COL15A1: variants seen among roughly 807,000 people sequenced by gnomAD.
COL15A1 encodes the protein collagen alpha-1(XV) chain.
COL15A1 carries 111 observed loss-of-function variants against 165.9 expected under a neutral mutation model. The observed-to-expected ratio is 0.67, with a 90% CI of 0.57 to 0.78. The LOEUF is 0.78. Among genes scored for constraint, COL15A1 ranks in the 30% least tolerant of loss-of-function variants. The pLI, the probability that COL15A1 is intolerant of heterozygous loss-of-function variation, is 0.00. For synonymous variants in COL15A1, 659 were observed against 674.8 expected, an observed-to-expected ratio of 0.98 and a Z score of 0.36; for missense variants, 1,745 against 1,789.7, an observed-to-expected ratio of 0.98 and a Z score of 0.45.
chr9:99,017,067 G>A (rs764271512), intron 11 of COL15A1, among the ~76,000 whole-genome samples: 1 of 152,210 alleles, frequency 6.6e-6, no homozygotes, highest in Admixed American at 6.5e-5. Context: ...GACACATAGC[G>A]GCTCTGGGCC....
At chr9:98,992,827 G>T (rs1838467517) in intron 5 of COL15A1, among the ~76,000 whole-genome samples, 1 of 152,178 alleles carries the variant, frequency 6.6e-6, no homozygotes. Context: ...CCCAGGCTTG[G>T]ACCCTCCCCA....
At chr9:98,948,596 CAAA>C (rs67986686) in intron 2 of COL15A1, among the ~76,000 whole-genome samples, 6 of 100,524 alleles carry the variant, frequency 6.0e-5, no homozygotes, top group Non-Finnish European at 4.0e-5. Flanking sequence ...GACTCTGTCT[CAAA>C]AAAAAAAAAA....
In COL15A1 at chr9:99,069,896, G is replaced by C; in HGVS notation, c.*10G>C. ...AGACGCTAGGAAGTAATGGCCTTCT[G>C]ATGATTCTTAAAGAGTTTTCAATTT... On this transcript the variant is annotated 3_prime_UTR_variant, in exon 42 of 42. Coordinates refer to ENST00000375001, the MANE Select transcript of COL15A1 (RefSeq NM_001855.5). 3 of 1,594,130 alleles carry C rather than the reference G, an allele frequency of 1.9e-6. No homozygotes were observed. Among genetic ancestry groups the C allele is most frequent in the Non-Finnish European group, 2.6e-6 (3 of 1,164,074 alleles).
intron 2 of COL15A1, among the ~76,000 whole-genome samples, chr9:98,983,962 C>G (rs185322917): frequency 8.1e-4 from 124 of 152,248 alleles, no homozygotes; most frequent in Admixed American, 1.1e-3. Context: ...GAGGGTCTCT[C>G]GAGTGTTTGG....
In COL15A1 at chr9:99,002,390, G is replaced by A. The variant is rs370191179; in HGVS notation, c.1066-1063G>A. On this transcript the variant is annotated intron_variant, in intron 7 of 41. Transcript: ENST00000375001. Reference sequence around the variant, plus strand: ...ACATACCCAGCTCACCAAATGGTTTGGAGTGAGTAGAGGGGAGGAGAAGAA... The same window carrying A: ...ACATACCCAGCTCACCAAATGGTTTAGAGTGAGTAGAGGGGAGGAGAAGAA... Among the ~76,000 whole-genome samples the A allele has an allele frequency of 4.6e-5, 7 of 152,214 alleles. No homozygotes were observed. In the South Asian group the frequency reaches 1.5e-3, roughly 32 times the overall value.
At chr9:99,051,645 C>T (rs576873130) in intron 30 of COL15A1, among the ~76,000 whole-genome samples, 2 of 152,302 alleles carry the variant, frequency 1.3e-5, no homozygotes, top group African/African-American at 4.8e-5. Flanking sequence ...ATTTCCTCCC[C>T]ACTCCCATCT....
chr9:98,975,468 A>G (rs1838127240), intron 2 of COL15A1, among the ~76,000 whole-genome samples: 1 of 152,186 alleles, frequency 6.6e-6, no homozygotes, highest in Admixed American at 6.5e-5. Context: ...GAGAGGTGAG[A>G]GTTCGCTCCT....
At chr9:99,062,552 C>T (rs908621282) in intron 38 of COL15A1, among the ~76,000 whole-genome samples, 15 of 152,326 alleles carry the variant, frequency 9.8e-5, no homozygotes, top group African/African-American at 3.4e-4. Context: ...GGGCAGAGGG[C>T]TTCCTCTATC....
At position 99,036,377 on chromosome 9, in the gene COL15A1, A is replaced by G; in HGVS notation, c.2390A>G (p.His797Arg). 1 of 1,614,210 alleles carries G rather than the reference A, an allele frequency of 6.2e-7. No homozygotes were observed. The highest frequency in any genetic ancestry group is 8.5e-7 in the Non-Finnish European group (1 of 1,180,024). ...CCTGGGCCGAGAGGGCCACCTGGGC[A>G]CATCAAGGTCTTGTCTAATGTGAGT... ...GPPGPRGPPG[H>R]IKVLSNSLIN... Residue 797 changes from histidine (H) to arginine (R), a missense_variant, in exon 21 of 42, where the codon CAC becomes CGC. Coordinates refer to ENST00000375001, the MANE Select transcript of COL15A1 (RefSeq NM_001855.5).
Position 99,070,592 on chromosome 9 carries a change from T to A in COL15A1, c.*706T>A, listed in dbSNP as rs1427434652. Reference sequence around the variant, plus strand: ...ATAGCACATAATTACTACCTTCCCCTTGGCGGCTCTCCTCCCCAACCCCCA... The same window carrying A: ...ATAGCACATAATTACTACCTTCCCCATGGCGGCTCTCCTCCCCAACCCCCA... On this transcript the variant is annotated 3_prime_UTR_variant, in exon 42 of 42. Transcript: ENST00000375001. 4.5e-6 allele frequency: 2 copies of A among 443,274 alleles called. No homozygotes were observed. Among genetic ancestry groups the A allele is most frequent in the African/African-American group, 2.0e-5 (1 of 49,322 alleles). The allele number at this position is 443,274 out of a possible 1,614,324, so 27.5% of individuals were successfully genotyped here.
chr9:99,007,672 A>G (rs112332020), intron 9 of COL15A1, among the ~76,000 whole-genome samples: 3,150 of 152,332 alleles, frequency 0.021, 103 homozygotes, highest in African/African-American at 0.073. Flanking sequence ...AAGTCCATAC[A>G]TCAGTAGGCA....
At chr9:98,973,624 TC>T (rs1204474616) in intron 2 of COL15A1, among the ~76,000 whole-genome samples, 5 of 152,316 alleles carry the variant, frequency 3.3e-5, no homozygotes, top group African/African-American at 1.2e-4. Flanking sequence ...CCCCAGAGAC[TC>T]CAGCCTGGGT....
chr9:98,952,034 T>A lies in COL15A1; in HGVS notation c.100+7784T>A, dbSNP rs140985280. Among the ~76,000 whole-genome samples the A allele has an allele frequency of 3.2e-3, 483 of 152,344 alleles. 2 individuals are homozygous for A. The highest frequency in any genetic ancestry group is 0.011 in the African/African-American group (441 of 41,584). On this transcript the variant is annotated intron_variant, in intron 2 of 41. Coordinates refer to ENST00000375001, the MANE Select transcript of COL15A1 (RefSeq NM_001855.5). The stretch of plus-strand genomic sequence containing the variant: ...CTGATTAGTTGCCTGCATCCCTAAC[T>A]GCTACATAGGAAGTTCTATGAGGCA...
At chr9:99,004,468 A>G (rs993379136) in intron 8 of COL15A1, among the ~76,000 whole-genome samples, 2 of 152,136 alleles carry the variant, frequency 1.3e-5, no homozygotes, top group African/African-American at 2.4e-5. Context: ...GCCAGATGGC[A>G]CTGGGCTAGG....
chr9:99,029,992 T>C (rs1839192471), intron 16 of COL15A1, among the ~76,000 whole-genome samples: 1 of 151,454 alleles, frequency 6.6e-6, no homozygotes, highest in Non-Finnish European at 1.5e-5. Flanking sequence ...TTATCAGTAT[T>C]ACAAACAGCA....
intron 11 of COL15A1, among the ~76,000 whole-genome samples, chr9:99,017,620 G>A (rs1033655680): frequency 1.3e-5 from 2 of 152,144 alleles, no homozygotes; most frequent in Non-Finnish European, 2.9e-5. Flanking sequence ...GAGACACTGG[G>A]GCTGGGGCTT....
intron 2 of COL15A1, among the ~76,000 whole-genome samples, chr9:98,966,147 G>A (rs1837952841): frequency 6.6e-6 from 1 of 152,184 alleles, no homozygotes; most frequent in African/African-American, 2.4e-5. Context: ...CTAGGGAGAT[G>A]TAAATTATGG....
chr9:98,952,323 T>A (rs1271288431), intron 2 of COL15A1, among the ~76,000 whole-genome samples: 1 of 152,210 alleles, frequency 6.6e-6, no homozygotes, highest in Non-Finnish European at 1.5e-5. Flanking sequence ...AATAGTGTAA[T>A]AACTAGTTAG....
chr9:99,059,814 C>T (rs916005279), intron 35 of COL15A1, 75 bp from the exon 36 acceptor site: 64 of 1,534,526 alleles, frequency 4.2e-5, no homozygotes, highest in South Asian at 2.5e-4. Context: ...CACTTCTCTC[C>T]GGGAGTCAGC....
Sources: allele counts gnomAD v4.1 joint callset (sites outside exome capture counted in the v4.1 genomes callset), GRCh38; gene constraint gnomAD v4.1.1; transcripts MANE v1.5; gene names NCBI Gene and HGNC (gene_info 2026-07-23, HGNC 2026-07-21).